Variants in LNPEP observed in about 807,000 individuals in gnomAD.
The protein encoded by LNPEP is leucyl-cystinyl aminopeptidase.
Under a neutral mutation model 120.6 loss-of-function variants are expected in LNPEP, and 64 were observed. That is an observed-to-expected ratio of 0.53 (90% CI 0.43 to 0.65). The LOEUF (loss-of-function observed/expected upper bound fraction) is 0.65, where lower values mean the gene tolerates loss of function less well. LNPEP is among the 30% of genes least tolerant of loss of function. The pLI is 0.00. For missense variants in LNPEP, 1,057 were observed against 1,200.0 expected, an observed-to-expected ratio of 0.88 and a Z score of 1.76; for synonymous variants, 435 against 425.4, an observed-to-expected ratio of 1.02 and a Z score of -0.28.
chr5:96,946,951 T>G (rs1408330636), intron 1 of LNPEP, among the ~76,000 whole-genome samples: 1 of 152,248 alleles, frequency 6.6e-6, no homozygotes, highest in African/African-American at 2.4e-5. Context: ...GTGATATGCA[T>G]TCTTTGTTAA....
At chr5:97,027,887 G>A in intron 17 of LNPEP, 73 bp downstream of exon 17, 1 of 855,604 alleles carries the variant, frequency 1.2e-6, no homozygotes, top group Non-Finnish European at 2.0e-6. Context: ...CTCAGTTTTA[G>A]TGAGATGGTG....
intron 9 of LNPEP, among the ~76,000 whole-genome samples, chr5:97,005,136 T>C (rs1790749260): frequency 6.6e-6 from 1 of 152,192 alleles, no homozygotes; most frequent in Non-Finnish European, 1.5e-5. Context: ...ACAAGTTTAA[T>C]TAAAATGGGA....
At chr5:97,013,365 T>A (rs918337294) in intron 11 of LNPEP, among the ~76,000 whole-genome samples, 1 of 152,200 alleles carries the variant, frequency 6.6e-6, no homozygotes, top group African/African-American at 2.4e-5. Context: ...CTTGCCTGTT[T>A]ACTTTAGACT....
chr5:97,000,919 G>A (rs1397327690), intron 8 of LNPEP, among the ~76,000 whole-genome samples: 2 of 152,186 alleles, frequency 1.3e-5, no homozygotes, highest in Admixed American at 1.3e-4. Context: ...TGCTTTGCAT[G>A]TTCAAGCACC....
intron 13 of LNPEP, among the ~76,000 whole-genome samples, chr5:97,015,720 T>C (rs1193349455): frequency 2.0e-5 from 3 of 152,138 alleles, no homozygotes; most frequent in Admixed American, 6.6e-5. Flanking sequence ...ATTCTCTGAA[T>C]CAGCGCATTT....
At chr5:97,027,351 T>C (rs2112676034) in intron 16 of LNPEP, among the ~76,000 whole-genome samples, 1 of 145,590 alleles carries the variant, frequency 6.9e-6, no homozygotes, top group South Asian at 2.2e-4. Flanking sequence ...AGACTCCGTC[T>C]CAAAAAAAAA....
intron 1 of LNPEP, among the ~76,000 whole-genome samples, chr5:96,947,714 AC>A (rs1334533110): frequency 6.6e-6 from 1 of 152,204 alleles, no homozygotes; most frequent in Non-Finnish European, 1.5e-5. Flanking sequence ...ACAACTTTGT[AC>A]ATTATTATAA....
intron 4 of LNPEP, 120 bp downstream of exon 4, chr5:96,986,790 C>T: frequency 1.2e-6 from 1 of 851,204 alleles, no homozygotes; most frequent in African/African-American, 1.7e-5. Flanking sequence ...CACACTCTGA[C>T]ATTTTATACC....
At chr5:96,948,081 G>A (rs964809757) in intron 1 of LNPEP, among the ~76,000 whole-genome samples, 3 of 151,848 alleles carry the variant, frequency 2.0e-5, no homozygotes, top group Admixed American at 6.6e-5. Context: ...GTGGTGATCC[G>A]GGAAGAAGCA....
At chr5:96,960,909 T>C (rs1260105440) in intron 1 of LNPEP, among the ~76,000 whole-genome samples, 1 of 152,094 alleles carries the variant, frequency 6.6e-6, no homozygotes, top group East Asian at 1.9e-4. Context: ...ATGTCTGGTC[T>C]CTTTTTTGAG....
chr5:96,983,069 C>T (rs555617049), intron 2 of LNPEP, among the ~76,000 whole-genome samples: 5 of 152,112 alleles, frequency 3.3e-5, no homozygotes, highest in South Asian at 2.1e-4. Context: ...CTATTAAGGA[C>T]GTTGGGATGT....
intron 7 of LNPEP, 102 bp downstream of exon 7, chr5:96,996,605 T>C: frequency 4.5e-6 from 3 of 668,536 alleles, no homozygotes; most frequent in Non-Finnish European, 7.9e-6. Flanking sequence ...TGAAAATGTT[T>C]CTAGGAAGGT....
At position 97,026,677 on chromosome 5, in the gene LNPEP, T is replaced by C. The variant is rs1791348807; in HGVS notation, c.2784T>C (p.Ile928=). 1 of 1,612,932 alleles carries C rather than the reference T, an allele frequency of 6.2e-7. No homozygotes were observed. The highest frequency in any genetic ancestry group is 2.2e-5 in the East Asian group (1 of 44,862). ...NFRTQKLSFI[I]RTVGRHFPGH... is the part of the protein sequence containing the mutation. ...GAACACAGAAGCTGTCTTTTATCAT[T>C]AGAACAGTGGGTCGACATTTTCCTG... The change falls in exon 16 of 18, where the codon ATT becomes ATC. Residue 928 remains isoleucine (I), a synonymous_variant. Transcript: ENST00000231368.
At chr5:96,959,437 G>T (rs1483251822) in intron 1 of LNPEP, among the ~76,000 whole-genome samples, 1 of 152,148 alleles carries the variant, frequency 6.6e-6, no homozygotes, top group Non-Finnish European at 1.5e-5. Context: ...TTTGTGGGTA[G>T]AGTTGAGGAA....
intron 1 of LNPEP, among the ~76,000 whole-genome samples, chr5:96,953,714 C>T (rs1484712814): frequency 6.6e-6 from 1 of 152,120 alleles, no homozygotes; most frequent in Non-Finnish European, 1.5e-5. Context: ...TTTCTCTTGT[C>T]CATTTGTATC....
At chr5:97,024,210 A>G (rs1791283744) in intron 14 of LNPEP, among the ~76,000 whole-genome samples, 1 of 152,188 alleles carries the variant, frequency 6.6e-6, no homozygotes, top group Non-Finnish European at 1.5e-5. Flanking sequence ...ATTGCTCTAT[A>G]CTTCGTAGTA....
chr5:97,027,102 C>T (rs1791359148), intron 16 of LNPEP, among the ~76,000 whole-genome samples: 2 of 152,118 alleles, frequency 1.3e-5, no homozygotes, highest in African/African-American at 4.8e-5. Flanking sequence ...ACCTTTAATC[C>T]CAGCACTTTG....
At chr5:96,984,764 C>G (rs75728744) in intron 2 of LNPEP, among the ~76,000 whole-genome samples, 2 of 152,168 alleles carry the variant, frequency 1.3e-5, no homozygotes, top group African/African-American at 4.8e-5. Flanking sequence ...AGTATACTTT[C>G]TTCCCTTCTT....
intron 4 of LNPEP, among the ~76,000 whole-genome samples, chr5:96,989,038 T>G (rs1391646358): frequency 6.6e-6 from 1 of 151,918 alleles, no homozygotes; most frequent in Non-Finnish European, 1.5e-5. Flanking sequence ...TGTGTATGTG[T>G]GTGGAAAGAG....
Sources: gnomAD v4.1 joint callset for allele counts (sites outside exome capture counted in the v4.1 genomes callset) on GRCh38, gnomAD v4.1.1 for gene constraint, MANE v1.5 for transcripts, NCBI Gene and HGNC (gene_info 2026-07-23, HGNC 2026-07-21) for gene names.